The following SULF1 variants were observed in gnomAD, a reference collection of about 807,000 sequenced individuals.
The protein encoded by SULF1 is sulfatase 1, also known as extracellular sulfatase Sulf-1.
Under a neutral mutation model 110.5 loss-of-function variants are expected in SULF1, and 46 were observed. The observed-to-expected ratio is 0.42, with a 90% CI of 0.33 to 0.53. The LOEUF (loss-of-function observed/expected upper bound fraction) is 0.53, where lower values mean the gene tolerates loss of function less well. Ranked by LOEUF, SULF1 falls within the 20% of genes least tolerant of loss-of-function variation. SULF1 has a pLI of 0.12. For synonymous variants in SULF1, 371 were observed against 387.1 expected (o/e 0.96, Z 0.49); for missense variants, 941 against 1,094.2 (o/e 0.86, Z 1.98).
chr8:69,611,659 G>T (rs72658279), intron 13 of SULF1, among the ~76,000 whole-genome samples: 7,122 of 152,176 alleles, frequency 0.047, 245 homozygotes, highest in South Asian at 0.16. Context: ...GTTCATGTTG[G>T]CATGAATAAT....
intron 3 of SULF1, among the ~76,000 whole-genome samples, chr8:69,539,673 T>TA (rs1813727897): frequency 6.6e-6 from 1 of 152,200 alleles, no homozygotes; most frequent in Non-Finnish European, 1.5e-5. Flanking sequence ...GCGCAGGGCA[T>TA]TCCTCGAGTC....
chr8:69,578,374 T>G (rs1011603115), intron 6 of SULF1, among the ~76,000 whole-genome samples: 1 of 152,110 alleles, frequency 6.6e-6, no homozygotes, highest in Non-Finnish European at 1.5e-5. Flanking sequence ...TTATTATACT[T>G]TAAGTTTTAG....
Position 69,638,558 on chromosome 8 carries a change from A to G in SULF1, c.2341A>G (p.Thr781Ala). 1 of 1,613,978 alleles carries G rather than the reference A, an allele frequency of 6.2e-7. No individual in the cohort carries two copies. The highest frequency in any genetic ancestry group is 8.5e-7 in the Non-Finnish European group (1 of 1,179,916). ...CAATAACACCTACTGGTGTTTGCGT[A>G]CAGTTAATGAGACGCATAATTTTCT... ...SNNNTYWCLR[T>A]VNETHNFLFC... is the part of the protein sequence containing the mutation. Residue 781 changes from threonine to alanine, a missense_variant, in exon 20 of 23, where the codon ACA (threonine) becomes GCA (alanine). By Grantham distance (58) the Thr-to-Ala change is moderately conservative (BLOSUM62 0). Coordinates refer to ENST00000402687, the MANE Select transcript of SULF1 (RefSeq NM_001128205.2).
intron 3 of SULF1, among the ~76,000 whole-genome samples, chr8:69,526,521 G>A (rs1176720957): frequency 1.3e-5 from 2 of 151,090 alleles, no homozygotes; most frequent in Non-Finnish European, 2.9e-5. Context: ...CAGCACTTTG[G>A]GAGCCCAAGG....
chr8:69,556,366 T>C (rs372270297), intron 3 of SULF1, among the ~76,000 whole-genome samples: 27 of 152,318 alleles, frequency 1.8e-4, no homozygotes, highest in East Asian at 1.5e-3. Context: ...GAAAAGCTCC[T>C]GCACAATTCT....
intron 1 of SULF1, among the ~76,000 whole-genome samples, chr8:69,484,605 A>G (rs1214945137): frequency 6.6e-6 from 1 of 152,234 alleles, no homozygotes; most frequent in African/African-American, 2.4e-5. Flanking sequence ...GGATGTTTCA[A>G]CAAATGTGGC....
chr8:69,503,109 G>C (rs1057302980), intron 3 of SULF1, among the ~76,000 whole-genome samples: 1 of 152,110 alleles, frequency 6.6e-6, no homozygotes, highest in Non-Finnish European at 1.5e-5. Flanking sequence ...CCGAATTTCA[G>C]GTTTGCCTTT....
chr8:69,547,492 C>A (rs996081129), intron 3 of SULF1, among the ~76,000 whole-genome samples: 1 of 152,136 alleles, frequency 6.6e-6, no homozygotes, highest in Non-Finnish European at 1.5e-5. Flanking sequence ...TGTGCACTAA[C>A]CAAGTTGGAA....
chr8:69,580,165 G>A (rs1805962354), intron 6 of SULF1, among the ~76,000 whole-genome samples: 1 of 152,090 alleles, frequency 6.6e-6, no homozygotes, highest in Non-Finnish European at 1.5e-5. Flanking sequence ...GTTTACTCAT[G>A]GAAAATATGA....
intron 7 of SULF1, 56 bp from the exon 8 acceptor site, chr8:69,588,916 G>C (rs561393466): frequency 1.3e-6 from 2 of 1,545,744 alleles, no homozygotes; most frequent in African/African-American, 2.7e-5. Flanking sequence ...ATTCAAATGC[G>C]ATCTGATGAA....
At chr8:69,493,301 T>C (rs143905195) in intron 1 of SULF1, among the ~76,000 whole-genome samples, 176 bp downstream of exon 1, 12 of 152,216 alleles carry the variant, frequency 7.9e-5, no homozygotes, top group African/African-American at 2.9e-4. Context: ...TCCCTTGTAA[T>C]GATAATAAGA....
intron 6 of SULF1, among the ~76,000 whole-genome samples, chr8:69,578,307 C>A (rs1448399715): frequency 6.6e-6 from 1 of 151,968 alleles, no homozygotes; most frequent in African/African-American, 2.4e-5. Context: ...AATAAAGTGA[C>A]TGAAGTGACA....
chr8:69,518,699 A>G (rs1812096125), intron 3 of SULF1, among the ~76,000 whole-genome samples: 2 of 152,102 alleles, frequency 1.3e-5, no homozygotes, highest in African/African-American at 4.8e-5. Context: ...TAAATGCCTC[A>G]TGTGTGATCA....
chr8:69,626,478 C>T (rs558376227), intron 15 of SULF1, among the ~76,000 whole-genome samples: 2 of 152,264 alleles, frequency 1.3e-5, no homozygotes, highest in African/African-American at 4.8e-5. Flanking sequence ...CCGCGCCATG[C>T]GCTCGCACTC....
At chr8:69,576,270 G>T in intron 6 of SULF1, 61 bp downstream of exon 6, 3 of 1,546,800 alleles carry the variant, frequency 1.9e-6, no homozygotes, top group South Asian at 2.5e-5. Context: ...TCAGGAAGAA[G>T]TGTCATGTAA....
chr8:69,580,947 A>G (rs572064922), intron 6 of SULF1, among the ~76,000 whole-genome samples: 19 of 152,310 alleles, frequency 1.2e-4, no homozygotes, highest in African/African-American at 3.8e-4. Flanking sequence ...GATTTTTTAA[A>G]TGTAGAGTTC....
chr8:69,608,813 G>T (rs981980575), intron 13 of SULF1, among the ~76,000 whole-genome samples: 1 of 152,312 alleles, frequency 6.6e-6, no homozygotes, highest in Non-Finnish European at 1.5e-5. Context: ...ATATGTGTTT[G>T]CATTACTTCC....
intron 3 of SULF1, among the ~76,000 whole-genome samples, chr8:69,555,977 A>G (rs996525853): frequency 1.3e-5 from 2 of 152,194 alleles, no homozygotes; most frequent in African/African-American, 4.8e-5. Context: ...AAAACGAAAC[A>G]TGTATAAAAA....
At chr8:69,514,655 A>C (rs1811800579) in intron 3 of SULF1, among the ~76,000 whole-genome samples, 1 of 152,226 alleles carries the variant, frequency 6.6e-6, no homozygotes, top group Non-Finnish European at 1.5e-5. Flanking sequence ...CCAAGTCCAA[A>C]GTCTCATCTG....
Sources: allele counts gnomAD v4.1 joint callset (sites outside exome capture counted in the v4.1 genomes callset), GRCh38; gene constraint gnomAD v4.1.1; transcripts MANE v1.5; gene names NCBI Gene and HGNC (gene_info 2026-07-23, HGNC 2026-07-21).